The following TSPAN11 variants were observed in gnomAD, a reference collection of about 807,000 sequenced individuals.
TSPAN11 encodes tetraspanin 11.
In TSPAN11, 29 loss-of-function variants were observed where a neutral mutation model predicts 32.9. The observed-to-expected ratio is 0.88, with a 90% CI of 0.66 to 1.20. TSPAN11 has a LOEUF of 1.20. Ranked by LOEUF, TSPAN11 falls within the 50% of genes most tolerant of loss-of-function variation. The pLI, the probability that TSPAN11 is intolerant of heterozygous loss-of-function variation, is 0.00. For synonymous variants in TSPAN11, 140 were observed against 141.3 expected (o/e 0.99, Z 0.07); for missense variants, 283 against 329.1 (o/e 0.86, Z 1.08).
In TSPAN11 at chr12:30,988,217, ACT is replaced by A. The variant is rs1311163778; in HGVS notation, c.703-3636_703-3635del. Among the ~76,000 whole-genome samples, 4 of 152,062 alleles carry A rather than the reference ACT, an allele frequency of 2.6e-5. No homozygotes were observed. In the East Asian group the frequency reaches 7.7e-4, roughly 29 times the overall value. The stretch of plus-strand genomic sequence containing the variant: ...CAGTGCTGAGGTACCACCCGATCAG[ACT>A]CTTCCACCTGGAAAGGCCTTACAGA... On this transcript the variant is annotated intron_variant, in intron 7 of 7. Coordinates refer to ENST00000546076, the MANE Select transcript of TSPAN11 (RefSeq NM_001370302.1).
At chr12:30,987,844 G>C (rs564304798) in intron 7 of TSPAN11, among the ~76,000 whole-genome samples, 1 of 152,254 alleles carries the variant, frequency 6.6e-6, no homozygotes, top group African/African-American at 2.4e-5. Flanking sequence ...AGTCATGTGG[G>C]GAAAGGAGGG....
chr12:30,962,399 A>G (rs1484523299), intron 2 of TSPAN11, among the ~76,000 whole-genome samples: 8 of 152,316 alleles, frequency 5.3e-5, no homozygotes, highest in African/African-American at 1.4e-4. Flanking sequence ...TCAATTCTAA[A>G]ACTCATGGTG....
chr12:30,927,076 T>G, intron 1 of TSPAN11: 4 of 1,259,204 alleles, frequency 3.2e-6, no homozygotes, highest in Non-Finnish European at 4.1e-6. Flanking sequence ...TTTCTGCACT[T>G]GTGCCTTGGG....
chr12:30,964,336 CCTT>C (rs1033941273), intron 3 of TSPAN11, among the ~76,000 whole-genome samples: 1 of 151,626 alleles, frequency 6.6e-6, no homozygotes, highest in Non-Finnish European at 1.5e-5. Context: ...CTCTCCTTCT[CCTT>C]CTCCTATTCT....
chr12:30,950,554 G>C (rs1324761607), intron 1 of TSPAN11, among the ~76,000 whole-genome samples: 1 of 152,202 alleles, frequency 6.6e-6, no homozygotes, highest in Non-Finnish European at 1.5e-5. Flanking sequence ...TGCTTCCTCT[G>C]CTGTACCAGG....
intron 2 of TSPAN11, chr12:30,955,127 A>C (rs958762269): frequency 2.6e-5 from 4 of 152,232 alleles, no homozygotes; most frequent in Non-Finnish European, 5.9e-5. Context: ...ATGGCAAGGC[A>C]AGAGTTTTGA....
intron 1 of TSPAN11, among the ~76,000 whole-genome samples, chr12:30,950,470 C>T (rs1398178675): frequency 6.6e-6 from 1 of 152,210 alleles, no homozygotes; most frequent in African/African-American, 2.4e-5. Context: ...CACTGCACGG[C>T]ATTGTCTCTG....
chr12:31,001,635 G>A, the TSPAN11 span, among the ~76,000 whole-genome samples: 1 of 152,148 alleles, frequency 6.6e-6, no homozygotes, highest in South Asian at 2.1e-4. Flanking sequence ...GGGCTGGCAG[G>A]GTTCTGCCAC....
At chr12:30,988,230 G>A (rs1333200663) in intron 7 of TSPAN11, among the ~76,000 whole-genome samples, 3 of 152,190 alleles carry the variant, frequency 2.0e-5, no homozygotes, top group Non-Finnish European at 4.4e-5. Flanking sequence ...CTTCCACCTG[G>A]AAAGGCCTTA....
chr12:30,990,155 A>AGT (rs757837575), intron 7 of TSPAN11, among the ~76,000 whole-genome samples: 3 of 147,140 alleles, frequency 2.0e-5, no homozygotes, highest in Admixed American at 6.6e-5. Context: ...TGTGTGTGCA[A>AGT]GTGTGTGTGT....
intron 5 of TSPAN11, among the ~76,000 whole-genome samples, chr12:30,980,060 C>T (rs1053275910): frequency 1.3e-5 from 2 of 152,224 alleles, no homozygotes; most frequent in African/African-American, 2.4e-5. Flanking sequence ...CTTCCTCCTT[C>T]CCCGGGGAGC....
At chr12:30,935,752 T>C (rs916689954) in intron 1 of TSPAN11, among the ~76,000 whole-genome samples, 2 of 152,226 alleles carry the variant, frequency 1.3e-5, no homozygotes, top group African/African-American at 4.8e-5. Flanking sequence ...TTTTCCTGCA[T>C]GGGCTTAGGG....
At chr12:30,961,928 C>A (rs1383818203) in intron 2 of TSPAN11, among the ~76,000 whole-genome samples, 1 of 152,000 alleles carries the variant, frequency 6.6e-6, no homozygotes, top group Non-Finnish European at 1.5e-5. Flanking sequence ...TCAGGAAATC[C>A]CTCACTGGTC....
chr12:31,005,584 C>A, the TSPAN11 span, among the ~76,000 whole-genome samples: 125,179 of 152,200 alleles, frequency 0.82, 51,728 homozygotes, highest in African/African-American at 0.89. Flanking sequence ...CCAGGTCTCC[C>A]TGTGCCGACA....
chr12:30,956,783 T>G (rs1297306258), intron 2 of TSPAN11, among the ~76,000 whole-genome samples: 1 of 152,240 alleles, frequency 6.6e-6, no homozygotes, highest in Non-Finnish European at 1.5e-5. Flanking sequence ...AACTTATTAT[T>G]TTATTCAGCT....
chr12:30,970,999 G>A (rs1592486250), intron 3 of TSPAN11, among the ~76,000 whole-genome samples: 2 of 152,192 alleles, frequency 1.3e-5, no homozygotes, highest in Admixed American at 1.3e-4. Context: ...CCCTCCCTCC[G>A]GCTTCCTCTG....
chr12:30,951,938 G>A (rs1938390397), intron 1 of TSPAN11, among the ~76,000 whole-genome samples: 1 of 152,202 alleles, frequency 6.6e-6, no homozygotes, highest in Non-Finnish European at 1.5e-5. Context: ...CATTCTTTCT[G>A]CAGAAGATTG....
intron 1 of TSPAN11, 119 bp from the exon 2 acceptor site, chr12:30,953,862 C>T (rs143064820): frequency 1.5e-5 from 10 of 672,920 alleles, no homozygotes; most frequent in African/African-American, 7.2e-5. Flanking sequence ...AGCCTCAAAG[C>T]CCCCGGCAGA....
chr12:30,974,102 G>C (rs1479274940), intron 3 of TSPAN11, among the ~76,000 whole-genome samples: 1 of 152,224 alleles, frequency 6.6e-6, no homozygotes, highest in African/African-American at 2.4e-5. Context: ...TGCCGCAGAG[G>C]TGCCCTCCCA....
Sources: allele counts gnomAD v4.1 joint callset (sites outside exome capture counted in the v4.1 genomes callset), GRCh38; gene constraint gnomAD v4.1.1; transcripts MANE v1.5; gene names NCBI Gene and HGNC (gene_info 2026-07-23, HGNC 2026-07-21).